Variants in MS4A4A observed in about 807,000 individuals in gnomAD.
MS4A4A encodes membrane spanning 4-domains A4A, also known as membrane-spanning 4-domains subfamily A member 4A.
Under a neutral mutation model 28.0 loss-of-function variants are expected in MS4A4A, and 26 were observed. The ratio of observed to expected loss-of-function variants is 0.93; its 90% CI spans 0.68 to 1.29. MS4A4A has a LOEUF of 1.29. MS4A4A is among the 50% of genes most tolerant of loss of function. The pLI, the probability that MS4A4A is intolerant of heterozygous loss-of-function variation, is 0.00. For synonymous variants in MS4A4A, 86 were observed against 100.8 expected (o/e 0.85, Z 0.88); for missense variants, 290 against 293.1 (o/e 0.99, Z 0.08).
At chr11:60,285,265 A>T (rs1317103546) in intron 1 of MS4A4A, among the ~76,000 whole-genome samples, 1 of 152,216 alleles carries the variant, frequency 6.6e-6, no homozygotes, top group African/African-American at 2.4e-5. Flanking sequence ...GCACTACTGG[A>T]TGCTGAGACG....
intron 1 of MS4A4A, chr11:60,282,601 C>T (rs1180574549): frequency 7.8e-7 from 1 of 1,284,304 alleles, no homozygotes; most frequent in Admixed American, 2.4e-5. Flanking sequence ...AAGGTGGTCA[C>T]AAGAGGGGTG....
intron 3 of MS4A4A, 36 bp downstream of exon 3, chr11:60,297,361 C>A: frequency 6.2e-7 from 1 of 1,607,106 alleles, no homozygotes; most frequent in Non-Finnish European, 8.5e-7. Context: ...TTGAAGATAA[C>A]ATAAAGCAGT....
chr11:60,292,050 C>G (rs1487762506), intron 1 of MS4A4A, among the ~76,000 whole-genome samples, 175 bp from the exon 2 acceptor site: 2 of 152,132 alleles, frequency 1.3e-5, no homozygotes, highest in African/African-American at 2.4e-5. Flanking sequence ...CCTGCCCCCG[C>G]CCCACACACA....
chr11:60,297,308 A>G lies in MS4A4A; in HGVS notation c.313A>G (p.Ile105Val), dbSNP rs762832128. 6 of 1,613,422 alleles carry G rather than the reference A, an allele frequency of 3.7e-6. No homozygotes were observed. In the Admixed American group the frequency reaches 6.7e-5, roughly 18 times the overall value. ...NPISVYIGYT[I>V]WGSVMFIISG... ...TATTTCCGTGTATATCGGGTACACA[A>G]TTTGGGGGTCAGTAATGGTGAGTAG... The change falls in exon 3 of 7, where the codon ATT (isoleucine) becomes GTT (valine). Residue 105 changes from isoleucine to valine, a missense_variant. By Grantham distance (29) the Ile-to-Val change is conservative. Coordinates refer to ENST00000337908, the MANE Select transcript of MS4A4A (RefSeq NM_148975.3).
chr11:60,294,913 T>A (rs200133336), intron 2 of MS4A4A, among the ~76,000 whole-genome samples: 1,888 of 140,448 alleles, frequency 0.013, 31 homozygotes, highest in Admixed American at 0.041. Context: ...TTCTTCTTCT[T>A]CTTCTTCTTC....
chr11:60,302,610 G>A lies in MS4A4A; in HGVS notation c.439G>A (p.Gly147Arg). ...NITSSVLAAS[G>R]ILINTFSLAF... is the part of the protein sequence containing the mutation. ...CACCAGCTCTGTACTGGCTGCATCAGGGATCTTAATCAACACATTTAGCTT... is the reference window on the plus strand; with the variant it reads ...CACCAGCTCTGTACTGGCTGCATCAAGGATCTTAATCAACACATTTAGCTT... The change falls in exon 5 of 7, where the codon GGG (glycine) becomes AGG (arginine). Residue 147 changes from glycine (G) to arginine (R), a missense_variant. Coordinates refer to ENST00000337908, the MANE Select transcript of MS4A4A (RefSeq NM_148975.3). 6.2e-7 allele frequency: 1 copy of A among 1,614,142 alleles called. No individual in the cohort carries two copies. The highest frequency in any genetic ancestry group is 2.2e-5 in the East Asian group (1 of 44,872).
chr11:60,298,487 T>G (rs1484957414), intron 3 of MS4A4A, among the ~76,000 whole-genome samples: 1 of 152,258 alleles, frequency 6.6e-6, no homozygotes, highest in East Asian at 1.9e-4. Context: ...CTCTACTTAG[T>G]GCTTTATATG....
chr11:60,300,562 G>A (rs2084943324), intron 3 of MS4A4A, among the ~76,000 whole-genome samples: 1 of 138,640 alleles, frequency 7.2e-6, no homozygotes, highest in Admixed American at 7.7e-5. Flanking sequence ...CTTGCAGTGA[G>A]CCGAGATTGC....
chr11:60,302,073 G>A (rs895022785), intron 4 of MS4A4A, among the ~76,000 whole-genome samples: 6 of 152,272 alleles, frequency 3.9e-5, no homozygotes, highest in African/African-American at 9.6e-5. Context: ...GAGCCACTGC[G>A]CCCAGTCAGC....
chr11:60,292,414 G>T, intron 2 of MS4A4A, 30 bp downstream of exon 2: 3 of 1,552,568 alleles, frequency 1.9e-6, no homozygotes, highest in Non-Finnish European at 2.6e-6. Flanking sequence ...GAAGACCAAT[G>T]GTGTTGCAAA....
At chr11:60,292,433 T>G in intron 2 of MS4A4A, 49 bp downstream of exon 2, 1 of 1,514,966 alleles carries the variant, frequency 6.6e-7, no homozygotes, top group African/African-American at 1.4e-5. Context: ...AACTCATATT[T>G]CATAAGACCT....
chr11:60,305,358 G>A (rs1386993529), intron 5 of MS4A4A, among the ~76,000 whole-genome samples: 1 of 152,206 alleles, frequency 6.6e-6, no homozygotes, highest in Admixed American at 6.5e-5. Flanking sequence ...GGTCTCACTA[G>A]GCTAAAATCA....
chr11:60,280,802 G>A (rs1303610314), intron 1 of MS4A4A, 86 bp downstream of exon 1: 21 of 1,506,778 alleles, frequency 1.4e-5, no homozygotes, highest in Non-Finnish European at 1.8e-5. Context: ...AGGGGAATGA[G>A]AAGAATAATG....
chr11:60,286,930 G>GT (rs2084808170), intron 1 of MS4A4A, among the ~76,000 whole-genome samples: 1 of 152,072 alleles, frequency 6.6e-6, no homozygotes, highest in African/African-American at 2.4e-5. Context: ...GGGGGGGTTT[G>GT]TTTTTGTAGA....
chr11:60,305,162 A>C (rs2084986844), intron 5 of MS4A4A, among the ~76,000 whole-genome samples: 1 of 152,244 alleles, frequency 6.6e-6, no homozygotes, highest in Admixed American at 6.5e-5. Context: ...AATTTTGACC[A>C]TGTTTCTTGG....
chr11:60,293,501 T>C (rs989206376), intron 2 of MS4A4A, among the ~76,000 whole-genome samples: 1 of 152,202 alleles, frequency 6.6e-6, no homozygotes, highest in Admixed American at 6.5e-5. Flanking sequence ...TTTGTACCAA[T>C]TGATGAACTA....
intron 1 of MS4A4A, chr11:60,282,737 G>C: frequency 7.9e-7 from 1 of 1,269,898 alleles, no homozygotes; most frequent in Non-Finnish European, 1.0e-6. Context: ...AGAGAGATTC[G>C]AGGTAAGACT....
chr11:60,287,251 T>C (rs74997729), intron 1 of MS4A4A, among the ~76,000 whole-genome samples: 2,632 of 152,330 alleles, frequency 0.017, 75 homozygotes, highest in African/African-American at 0.06. Flanking sequence ...ATTTTGCTTA[T>C]AGCTCTAGAG....
chr11:60,306,779 TATG>T (rs1310315597), intron 6 of MS4A4A, among the ~76,000 whole-genome samples: 1 of 152,218 alleles, frequency 6.6e-6, no homozygotes, highest in Non-Finnish European at 1.5e-5. Context: ...TGAATCCAGA[TATG>T]AGGATATTTC....
Sources: allele counts gnomAD v4.1 joint callset (sites outside exome capture counted in the v4.1 genomes callset), GRCh38; gene constraint gnomAD v4.1.1; transcripts MANE v1.5; gene names NCBI Gene and HGNC (gene_info 2026-07-23, HGNC 2026-07-21).